Variants in GABBR2 observed in about 807,000 individuals in gnomAD.
GABBR2 encodes gamma-aminobutyric acid type B receptor subunit 2.
Under a neutral mutation model 105.6 loss-of-function variants are expected in GABBR2, and 23 were observed. The observed-to-expected ratio is 0.22, with a 90% CI of 0.16 to 0.31. The LOEUF is 0.31. GABBR2 is among the 10% of genes least tolerant of loss of function. The pLI is 1.00. For synonymous variants in GABBR2, 478 were observed against 499.7 expected (o/e 0.96, Z 0.58); for missense variants, 734 against 1,245.5 (o/e 0.59, Z 6.18).
rs570604748 is a variant in GABBR2 at position 98,557,502 on chromosome 9, G to A, written c.460-15459C>T. On this transcript the variant is annotated intron_variant, in intron 2 of 18. Transcript: ENST00000259455. Reference sequence around the variant, plus strand: ...ATACGGTCAATATGAAGAAGAAACCGTTCACAGTAAGGTATTCAAGAGTGA... The same window carrying A: ...ATACGGTCAATATGAAGAAGAAACCATTCACAGTAAGGTATTCAAGAGTGA... 1.5e-4 allele frequency among the ~76,000 whole-genome samples: 23 copies of A among 152,280 alleles called. 1 individual carries two copies. The highest frequency in any genetic ancestry group is 3.4e-3 in the Middle Eastern group (1 of 294).
chr9:98,599,461 C>A (rs565829353), intron 1 of GABBR2, among the ~76,000 whole-genome samples: 1 of 152,310 alleles, frequency 6.6e-6, no homozygotes, highest in African/African-American at 2.4e-5. Context: ...GCCTGTTTAG[C>A]AAATGAACAG....
intron 7 of GABBR2, among the ~76,000 whole-genome samples, chr9:98,407,787 T>C (rs1832516675): frequency 6.6e-6 from 1 of 152,222 alleles, no homozygotes; most frequent in Non-Finnish European, 1.5e-5. Flanking sequence ...AAAGCTTCCA[T>C]GGAATGATAC....
At chr9:98,558,411 T>C (rs759289728) in intron 2 of GABBR2, among the ~76,000 whole-genome samples, 8 of 152,346 alleles carry the variant, frequency 5.3e-5, no homozygotes, top group African/African-American at 1.9e-4. Context: ...CTATTAGTTA[T>C]GTCTACAATT....
At chr9:98,670,146 A>G (rs1445237494) in intron 1 of GABBR2, among the ~76,000 whole-genome samples, 2 of 152,206 alleles carry the variant, frequency 1.3e-5, no homozygotes, top group Non-Finnish European at 2.9e-5. Context: ...AAAAATAAAC[A>G]GGTTTATTGA....
At chr9:98,609,443 G>A (rs149378207) in intron 1 of GABBR2, among the ~76,000 whole-genome samples, 24 of 152,278 alleles carry the variant, frequency 1.6e-4, no homozygotes, top group African/African-American at 5.8e-4. Context: ...TCCAAAGCAT[G>A]CCCATATTTC....
intron 8 of GABBR2, among the ~76,000 whole-genome samples, chr9:98,398,323 C>G (rs896767602): frequency 6.5e-5 from 9 of 137,714 alleles, no homozygotes; most frequent in African/African-American, 3.2e-4. Context: ...AATTCTAGGA[C>G]CCACCCCCCA....
chr9:98,363,453 G>A (rs1168681062), intron 12 of GABBR2, among the ~76,000 whole-genome samples: 1 of 152,158 alleles, frequency 6.6e-6, no homozygotes, highest in Non-Finnish European at 1.5e-5. Context: ...AGGCTTAAAA[G>A]GGCTAAGTAA....
At chr9:98,648,350 C>G (rs1830059944) in intron 1 of GABBR2, among the ~76,000 whole-genome samples, 1 of 152,000 alleles carries the variant, frequency 6.6e-6, no homozygotes. Flanking sequence ...CCAGGCTGGT[C>G]TCGAACCCCT....
intron 13 of GABBR2, among the ~76,000 whole-genome samples, chr9:98,317,387 T>TC (rs1564014169): frequency 6.6e-6 from 1 of 152,176 alleles, no homozygotes; most frequent in Non-Finnish European, 1.5e-5. Flanking sequence ...ACAATGTAGG[T>TC]CAGTGCCCCC....
chr9:98,349,004 A>G (rs919106080), intron 13 of GABBR2, among the ~76,000 whole-genome samples: 4 of 152,078 alleles, frequency 2.6e-5, no homozygotes, highest in Non-Finnish European at 4.4e-5. Flanking sequence ...GTCTTGTTTC[A>G]GTTCTTAGAA....
chr9:98,397,452 T>C (rs902261903), intron 8 of GABBR2, among the ~76,000 whole-genome samples: 3 of 152,132 alleles, frequency 2.0e-5, no homozygotes, highest in Non-Finnish European at 4.4e-5. Context: ...CATGACTGTA[T>C]CTGTAAACTG....
intron 13 of GABBR2, among the ~76,000 whole-genome samples, chr9:98,321,908 C>T (rs191199996): frequency 6.6e-6 from 1 of 152,276 alleles, no homozygotes. Flanking sequence ...AGGGCCACAG[C>T]CCAGCCCTGG....
rs774895384 is a variant in GABBR2, at chr9:98,311,066, C to T, written c.2004+29G>A. On this transcript the variant is annotated intron_variant, in intron 14 of 18. Transcript: ENST00000259455. The stretch of plus-strand genomic sequence containing the variant: ...GAGGCCCAACAAAGAAGTGTCCCCC[C>T]TCAACACTGTCTCCTGCTCTGCACC... 1.0e-5 allele frequency: 13 copies of T among 1,272,894 alleles called. No homozygotes were observed. In the South Asian group the frequency reaches 1.4e-4, roughly 14 times the overall value. The allele number at this position is 1,272,894 out of a possible 1,614,324, so 78.8% of individuals were successfully genotyped here.
At chr9:98,512,937 C>G in intron 3 of GABBR2, among the ~76,000 whole-genome samples, 1 of 151,842 alleles carries the variant, frequency 6.6e-6, no homozygotes, top group East Asian at 1.9e-4. Context: ...AAAAAGAGCC[C>G]GCATCACCAA....
chr9:98,335,211 T>G (rs1042077848), intron 13 of GABBR2, among the ~76,000 whole-genome samples: 2 of 152,174 alleles, frequency 1.3e-5, no homozygotes, highest in Admixed American at 1.3e-4. Flanking sequence ...CAGAAAAATA[T>G]GAGACCAGAG....
intron 14 of GABBR2, among the ~76,000 whole-genome samples, chr9:98,308,026 G>A (rs1048395707): frequency 2.0e-5 from 3 of 152,188 alleles, no homozygotes; most frequent in Non-Finnish European, 2.9e-5. Context: ...CTGAGGTCAC[G>A]AGTTTGAGAC....
chr9:98,306,415 A>T lies in GABBR2; in HGVS notation c.2005-70T>A. 5.8e-6 allele frequency: 5 copies of T among 867,040 alleles called. No homozygotes were observed. The highest frequency in any genetic ancestry group is 9.0e-6 in the Non-Finnish European group (5 of 555,248). The allele number at this position is 867,040 out of a possible 1,614,324, so 53.7% of individuals were successfully genotyped here. ...GTGGCACACACAGGCTGCTCTGAGA[A>T]GCTGTGGAGTGGAGGGTTACTCAGG... On this transcript the variant is annotated intron_variant, in intron 14 of 18. Coordinates refer to ENST00000259455, the MANE Select transcript of GABBR2 (RefSeq NM_005458.8). This position sits in a 1 kb window ranked among gnomAD's most constrained non-coding sequence, Gnocchi z 5.4.
chr9:98,471,159 C>T (rs1029997935), intron 6 of GABBR2, among the ~76,000 whole-genome samples: 6 of 152,198 alleles, frequency 3.9e-5, no homozygotes, highest in Middle Eastern at 3.2e-3. Flanking sequence ...CTTCAAATTT[C>T]CTTGTGTAAC....
intron 5 of GABBR2, among the ~76,000 whole-genome samples, chr9:98,474,036 A>C (rs977225379): frequency 6.6e-6 from 1 of 152,240 alleles, no homozygotes; most frequent in African/African-American, 2.4e-5. Flanking sequence ...TCCAAAACAC[A>C]GAGTGTATAA....
Sources: allele counts gnomAD v4.1 joint callset (sites outside exome capture counted in the v4.1 genomes callset), GRCh38; gene constraint gnomAD v4.1.1; non-coding constraint Gnocchi (gnomAD v3.1); transcripts MANE v1.5; gene names NCBI Gene and HGNC (gene_info 2026-07-23, HGNC 2026-07-21).